PHF24: variants seen among roughly 807,000 people sequenced by gnomAD.
PHF24 encodes the protein Galpha inhibitory interacting protein.
PHF24 carries 25 observed loss-of-function variants against 42.6 expected under a neutral mutation model. That is an observed-to-expected ratio of 0.59 (90% CI 0.43 to 0.82). The LOEUF (loss-of-function observed/expected upper bound fraction) is 0.82. Ranked by LOEUF, PHF24 falls within the 40% of genes least tolerant of loss-of-function variation. The pLI is 0.00. For missense variants in PHF24, 470 were observed against 538.1 expected (o/e 0.87, Z 1.25); for synonymous variants, 185 against 204.8 (o/e 0.90, Z 0.83).
At chr9:34,740,830 C>T in the PHF24 span, among the ~76,000 whole-genome samples, 3 of 152,018 alleles carry the variant, frequency 2.0e-5, no homozygotes, top group Non-Finnish European at 2.9e-5. Flanking sequence ...GAGGTAGATA[C>T]ATATGGTCTC....
chr9:34,852,268 T>C, the PHF24 span, among the ~76,000 whole-genome samples: 1 of 152,212 alleles, frequency 6.6e-6, no homozygotes, highest in East Asian at 1.9e-4. Context: ...TGATAAACCT[T>C]TTGGTCAACA....
chr9:34,879,369 A>G, the PHF24 span, among the ~76,000 whole-genome samples: 29 of 152,192 alleles, frequency 1.9e-4, no homozygotes, highest in African/African-American at 6.8e-4. Context: ...GACTTTGATG[A>G]GTTGAGAGAA....
At chr9:34,717,929 G>A in the PHF24 span, among the ~76,000 whole-genome samples, 13 of 152,176 alleles carry the variant, frequency 8.5e-5, no homozygotes, top group African/African-American at 2.4e-4. Context: ...TGAGTGGCAC[G>A]GTTGACTTTT....
At chr9:34,776,205 A>T in the PHF24 span, among the ~76,000 whole-genome samples, 5 of 152,224 alleles carry the variant, frequency 3.3e-5, no homozygotes, top group Admixed American at 2.6e-4. Context: ...ACTAAAAATC[A>T]TAGAATTGTA....
At chr9:34,836,939 A>G in the PHF24 span, 3 of 337,752 alleles carry the variant, frequency 8.9e-6, no homozygotes, top group South Asian at 2.5e-5. Flanking sequence ...TCAACTAGTG[A>G]ACCAGCCTCC....
chr9:34,892,756 G>T, the PHF24 span: 2 of 503,368 alleles, frequency 4.0e-6, no homozygotes, highest in Admixed American at 3.2e-5. Flanking sequence ...GAGATCCCAT[G>T]ACCTGGGACA....
At chr9:34,822,059 G>A in the PHF24 span, among the ~76,000 whole-genome samples, 3 of 151,928 alleles carry the variant, frequency 2.0e-5, no homozygotes, top group Non-Finnish European at 4.4e-5. Flanking sequence ...TTCTACTTCT[G>A]TATCTCCTGG....
the PHF24 span, among the ~76,000 whole-genome samples, chr9:34,687,783 T>C: frequency 2.0e-5 from 3 of 152,210 alleles, no homozygotes; most frequent in Non-Finnish European, 1.5e-5. Context: ...TGTGTGTTTG[T>C]CCTCTGAGAC....
the PHF24 span, among the ~76,000 whole-genome samples, chr9:34,951,801 T>G: frequency 6.6e-6 from 1 of 152,262 alleles, no homozygotes; most frequent in Admixed American, 6.5e-5. Flanking sequence ...CTCAGATTGT[T>G]GGCAGAATCC....
the PHF24 span, among the ~76,000 whole-genome samples, chr9:34,710,661 G>T: frequency 6.6e-6 from 1 of 150,744 alleles, no homozygotes; most frequent in Non-Finnish European, 1.5e-5. Context: ...TTGTAGAGAC[G>T]AGGTTTCACG....
the PHF24 span, among the ~76,000 whole-genome samples, chr9:34,683,084 A>G: frequency 2.0e-5 from 3 of 149,988 alleles, no homozygotes; most frequent in Non-Finnish European, 4.4e-5. Context: ...TTTTTGAGAC[A>G]GAGTTTTGCT....
exon 6 of PHF24, chr9:34,977,231 C>T: frequency 6.2e-7 from 1 of 1,608,690 alleles, no homozygotes; most frequent in Non-Finnish European, 8.5e-7. Context: ...GAGGCTCCTT[C>T]CTGCAGTGTC....
chr9:34,914,729 C>A, the PHF24 span, among the ~76,000 whole-genome samples: 1 of 152,076 alleles, frequency 6.6e-6, no homozygotes, highest in Admixed American at 6.6e-5. Flanking sequence ...CTTTTCCAAT[C>A]ATCTAAATGC....
At chr9:34,929,396 C>T in the PHF24 span, among the ~76,000 whole-genome samples, 1 of 152,144 alleles carries the variant, frequency 6.6e-6, no homozygotes, top group Non-Finnish European at 1.5e-5. Flanking sequence ...AAATTATTTG[C>T]TTATGGTCTG....
the PHF24 span, among the ~76,000 whole-genome samples, chr9:34,831,394 G>T: frequency 6.6e-6 from 1 of 152,182 alleles, no homozygotes; most frequent in Non-Finnish European, 1.5e-5. Context: ...GGCACAGGTG[G>T]TATAGAAACA....
the PHF24 span, among the ~76,000 whole-genome samples, chr9:34,698,715 G>T: frequency 2.0e-5 from 3 of 152,106 alleles, no homozygotes; most frequent in Admixed American, 2.0e-4. Context: ...CCTGACCTCC[G>T]GTGATCCACC....
At chr9:34,777,353 T>G in the PHF24 span, among the ~76,000 whole-genome samples, 1 of 152,122 alleles carries the variant, frequency 6.6e-6, no homozygotes, top group Admixed American at 6.5e-5. Context: ...GTGAATGTGA[T>G]GGTCTGGGCA....
chr9:34,859,726 A>G, the PHF24 span, among the ~76,000 whole-genome samples: 1 of 152,172 alleles, frequency 6.6e-6, no homozygotes, highest in Admixed American at 6.5e-5. Flanking sequence ...AGGCAGACCC[A>G]TAACTATTTA....
the PHF24 span, among the ~76,000 whole-genome samples, chr9:34,886,961 C>T: frequency 6.6e-6 from 1 of 152,112 alleles, no homozygotes; most frequent in African/African-American, 2.4e-5. Context: ...GCAACATATA[C>T]ATCTCAAACA....
Sources: gnomAD v4.1 joint callset for allele counts (sites outside exome capture counted in the v4.1 genomes callset) on GRCh38, gnomAD v4.1.1 for gene constraint, MANE v1.5 for transcripts, NCBI Gene and HGNC (gene_info 2026-07-23, HGNC 2026-07-21) for gene names.